SLCO1B3: variants seen among roughly 807,000 people sequenced by gnomAD.
SLCO1B3 encodes the protein solute carrier organic anion transporter family member 1B3.
Under a neutral mutation model 71.8 loss-of-function variants are expected in SLCO1B3, and 72 were observed. The observed-to-expected ratio is 1.00, with a 90% confidence interval of 0.83 to 1.22. SLCO1B3 has a LOEUF of 1.22. Among genes scored for constraint, SLCO1B3 ranks in the 50% most tolerant of loss-of-function variants. SLCO1B3 has a pLI of 0.00. For synonymous variants in SLCO1B3, 298 were observed against 278.4 expected, an observed-to-expected ratio of 1.07 and a Z score of -0.70; for missense variants, 911 against 819.7, an observed-to-expected ratio of 1.11 and a Z score of -1.36.
rs11561151 is a variant in SLCO1B3, at chr12:20,821,386, G to A, written c.84+5564G>A. On this transcript the variant is annotated intron_variant, in intron 3 of 15. Coordinates refer to ENST00000381545, the MANE Select transcript of SLCO1B3 (RefSeq NM_019844.4). ...AAGACGCTTAGATTTTAGGTCAGGTGAGAGTTGAAGAGGTTTTAAGTTCTT... is the reference window on the plus strand; with the variant it reads ...AAGACGCTTAGATTTTAGGTCAGGTAAGAGTTGAAGAGGTTTTAAGTTCTT... Among the ~76,000 whole-genome samples the A allele has an allele frequency of 1.6e-3, 246 of 152,260 alleles. 4 individuals carry two copies. The East Asian group carries it at 0.025, about 16-fold the overall frequency.
intron 5 of SLCO1B3, among the ~76,000 whole-genome samples, chr12:20,859,956 T>TTC (rs1865222480): frequency 6.9e-6 from 1 of 145,642 alleles, no homozygotes; most frequent in African/African-American, 2.5e-5. Context: ...ATCATTTCTT[T>TTC]TTTTTTTTTT....
chr12:20,832,183 A>C (rs1489656826), intron 3 of SLCO1B3, among the ~76,000 whole-genome samples: 1 of 152,216 alleles, frequency 6.6e-6, no homozygotes, highest in East Asian at 1.9e-4. Flanking sequence ...TCAGTATCAA[A>C]CAACCATGGG....
intron 3 of SLCO1B3, among the ~76,000 whole-genome samples, chr12:20,826,251 C>G (rs1864418564): frequency 6.6e-6 from 1 of 151,468 alleles, no homozygotes; most frequent in African/African-American, 2.4e-5. Context: ...TAATGTCAGG[C>G]CACAATAGCA....
At chr12:20,857,016 G>A (rs1865154359) in intron 4 of SLCO1B3, among the ~76,000 whole-genome samples, 1 of 152,126 alleles carries the variant, frequency 6.6e-6, no homozygotes, top group Admixed American at 6.5e-5. Context: ...GCCCTTGCCT[G>A]TTGGAATATT....
At chr12:20,863,050 G>T (rs1865302233) in intron 8 of SLCO1B3, among the ~76,000 whole-genome samples, 196 bp downstream of exon 8, 1 of 152,084 alleles carries the variant, frequency 6.6e-6, no homozygotes, top group Non-Finnish European at 1.5e-5. Context: ...TTACAACTAA[G>T]TATAAAAAGA....
chr12:20,846,430 C>G (rs149279648), intron 3 of SLCO1B3, among the ~76,000 whole-genome samples: 82 of 152,246 alleles, frequency 5.4e-4, no homozygotes, highest in African/African-American at 1.7e-3. Context: ...GAATTGCAAA[C>G]TATGTGTTGG....
At chr12:20,879,670 A>G (rs1865653046) in intron 11 of SLCO1B3, 39 bp downstream of exon 11, 1 of 1,304,242 alleles carries the variant, frequency 7.7e-7, no homozygotes, top group African/African-American at 1.5e-5. Flanking sequence ...TAATATGTTA[A>G]CCATCAAATT....
At chr12:20,901,767 ATC>A in intron 15 of SLCO1B3, 2 of 319,776 alleles carry the variant, frequency 6.3e-6, no homozygotes, top group Non-Finnish European at 1.2e-5. Flanking sequence ...TTGTACTTGA[ATC>A]TCTTTTGATT....
At chr12:20,848,902 TGAA>T (rs994555629) in intron 3 of SLCO1B3, among the ~76,000 whole-genome samples, 8 of 152,002 alleles carry the variant, frequency 5.3e-5, no homozygotes, top group African/African-American at 1.9e-4. Context: ...GATACAGTAA[TGAA>T]GAAGACCTAT....
At chr12:20,892,001 G>T (rs773839635) in intron 13 of SLCO1B3, among the ~76,000 whole-genome samples, 2 of 151,604 alleles carry the variant, frequency 1.3e-5, no homozygotes, top group South Asian at 2.1e-4. Context: ...TTACTTGAAG[G>T]TCTTATTTCT....
At chr12:20,911,405 T>G (rs1011736736) in intron 15 of SLCO1B3, among the ~76,000 whole-genome samples, 1 of 152,162 alleles carries the variant, frequency 6.6e-6, no homozygotes, top group East Asian at 1.9e-4. Context: ...TGTAGTTTTC[T>G]TTTCTTGTAA....
chr12:20,908,436 T>C (rs1023386086), intron 15 of SLCO1B3, among the ~76,000 whole-genome samples: 16 of 152,192 alleles, frequency 1.1e-4, no homozygotes, highest in Non-Finnish European at 1.8e-4. Context: ...TGTTGAACTT[T>C]CTGTGGGTTT....
intron 13 of SLCO1B3, among the ~76,000 whole-genome samples, chr12:20,890,403 A>G (rs974180441): frequency 2.0e-5 from 3 of 152,246 alleles, no homozygotes; most frequent in Non-Finnish European, 4.4e-5. Flanking sequence ...AAAAAAAATC[A>G]TTGAGTATTG....
intron 5 of SLCO1B3, 112 bp from the exon 6 acceptor site, chr12:20,860,905 A>G: frequency 9.4e-7 from 1 of 1,064,894 alleles, no homozygotes; most frequent in South Asian, 1.6e-5. Context: ...AGATTCTGGT[A>G]ATTTGGAGAA....
At chr12:20,911,405 T>C (rs1011736736) in intron 15 of SLCO1B3, among the ~76,000 whole-genome samples, 10 of 152,280 alleles carry the variant, frequency 6.6e-5, no homozygotes, top group East Asian at 1.9e-4. Flanking sequence ...TGTAGTTTTC[T>C]TTTCTTGTAA....
At chr12:20,908,374 G>A (rs1866299282) in intron 15 of SLCO1B3, among the ~76,000 whole-genome samples, 1 of 152,154 alleles carries the variant, frequency 6.6e-6, no homozygotes, top group Non-Finnish European at 1.5e-5. Flanking sequence ...AAACCAGATT[G>A]ACACATCTTT....
At chr12:20,862,111 C>T (rs542512406) in intron 6 of SLCO1B3, among the ~76,000 whole-genome samples, 2 of 152,096 alleles carry the variant, frequency 1.3e-5, no homozygotes, top group South Asian at 2.1e-4. Flanking sequence ...TTAAAAATAA[C>T]CTGGATTTTT....
At chr12:20,834,265 T>C (rs866093249) in intron 3 of SLCO1B3, among the ~76,000 whole-genome samples, 1 of 140,644 alleles carries the variant, frequency 7.1e-6, no homozygotes, top group Non-Finnish European at 1.5e-5. Flanking sequence ...CCTGTATACA[T>C]AGTCTTCATA....
intron 15 of SLCO1B3, among the ~76,000 whole-genome samples, chr12:20,913,225 C>A (rs1866420757): frequency 6.6e-6 from 1 of 152,074 alleles, no homozygotes; most frequent in Non-Finnish European, 1.5e-5. Flanking sequence ...CATTAAGTAT[C>A]CACTTAACAT....
Sources: allele counts gnomAD v4.1 joint callset (sites outside exome capture counted in the v4.1 genomes callset), GRCh38; gene constraint gnomAD v4.1.1; transcripts MANE v1.5; gene names NCBI Gene and HGNC (gene_info 2026-07-23, HGNC 2026-07-21).